The following HS3ST4 variants were observed in gnomAD, a reference collection of about 807,000 sequenced individuals.
HS3ST4 encodes heparan sulfate glucosamine 3-O-sulfotransferase 4.
A neutral mutation model predicts 29.2 loss-of-function variants in HS3ST4; 17 were observed. The observed-to-expected ratio is 0.58, with a 90% CI of 0.40 to 0.87. The LOEUF (loss-of-function observed/expected upper bound fraction) is 0.87, where lower values mean the gene tolerates loss of function less well. HS3ST4 is among the 40% of genes least tolerant of loss of function. The pLI, the probability that HS3ST4 is intolerant of heterozygous loss-of-function variation, is 0.00. For missense variants in HS3ST4, 627 were observed against 634.5 expected (o/e 0.99, Z 0.13); for synonymous variants, 314 against 285.7 (o/e 1.10, Z -1.00).
chr16:26,110,812 T>C (rs1230921583), intron 1 of HS3ST4, among the ~76,000 whole-genome samples: 1 of 152,098 alleles, frequency 6.6e-6, no homozygotes, highest in African/African-American at 2.4e-5. Context: ...TGATCTCTCC[T>C]TCCACTGTCT....
At chr16:25,755,049 T>A (rs1269607668) in intron 1 of HS3ST4, among the ~76,000 whole-genome samples, 1 of 151,792 alleles carries the variant, frequency 6.6e-6, no homozygotes, top group African/African-American at 2.4e-5. Flanking sequence ...TCCACCCACC[T>A]ATCCATCCAC....
intron 1 of HS3ST4, among the ~76,000 whole-genome samples, chr16:25,882,627 G>C (rs1967905531): frequency 6.6e-6 from 1 of 152,058 alleles, no homozygotes; most frequent in South Asian, 2.1e-4. Flanking sequence ...CATCACTGAG[G>C]CTTATTCACC....
chr16:25,896,684 C>T (rs1320207290), intron 1 of HS3ST4, among the ~76,000 whole-genome samples: 1 of 152,120 alleles, frequency 6.6e-6, no homozygotes, highest in African/African-American at 2.4e-5. Context: ...AAAAAAAGCA[C>T]GTGCACCCGT....
chr16:25,916,925 C>T lies in HS3ST4; in HGVS notation c.735-218687C>T, dbSNP rs558183854. Among the ~76,000 whole-genome samples, 12 of 152,058 alleles carry T rather than the reference C, an allele frequency of 7.9e-5. 1 individual carries two copies. Among genetic ancestry groups the T allele is most frequent in the African/African-American group, 1.7e-4 (7 of 41,508 alleles). ...CGATCTCCTGACCTTGTGATCCACC[C>T]GTCTCGGCCTCTCAAAGTGCTGGAA... is the stretch of plus-strand genomic sequence containing the variant. On this transcript the variant is annotated intron_variant, in intron 1 of 1. Coordinates refer to ENST00000331351, the MANE Select transcript of HS3ST4 (RefSeq NM_006040.3).
intron 1 of HS3ST4, among the ~76,000 whole-genome samples, chr16:25,844,496 A>G (rs1414430586): frequency 2.0e-5 from 3 of 152,166 alleles, no homozygotes; most frequent in Non-Finnish European, 4.4e-5. Context: ...AATGATGTTC[A>G]TGAAAAGCAT....
chr16:26,100,561 A>C lies in HS3ST4; in HGVS notation c.735-35051A>C, dbSNP rs575789155. Among the ~76,000 whole-genome samples, 17 of 152,240 alleles carry C rather than the reference A, an allele frequency of 1.1e-4. No individual in the cohort carries two copies. The South Asian group carries it at 3.5e-3, about 32-fold the overall frequency. On this transcript the variant is annotated intron_variant, in intron 1 of 1. Transcript: ENST00000331351. ...CTAGTTTTTGAGGACTGCAGACCTC[A>C]TTGTGGTGTGTTTGAGTCACTCATT...
intron 1 of HS3ST4, among the ~76,000 whole-genome samples, chr16:25,775,054 C>T (rs1240636194): frequency 6.6e-6 from 1 of 152,186 alleles, no homozygotes; most frequent in Non-Finnish European, 1.5e-5. Flanking sequence ...GACTGAGTCG[C>T]TGTCGCACCC....
chr16:26,039,322 T>C (rs73514510), intron 1 of HS3ST4, among the ~76,000 whole-genome samples: 2,498 of 152,320 alleles, frequency 0.016, 65 homozygotes, highest in African/African-American at 0.055. Context: ...CATACATATA[T>C]AGAAATAAAA....
At chr16:25,751,775 T>A (rs1484832571) in intron 1 of HS3ST4, among the ~76,000 whole-genome samples, 1 of 152,176 alleles carries the variant, frequency 6.6e-6, no homozygotes, top group Non-Finnish European at 1.5e-5. Context: ...CTATTTGGCT[T>A]ACACACAGTG....
At chr16:25,817,735 A>T (rs1967108394) in intron 1 of HS3ST4, among the ~76,000 whole-genome samples, 1 of 152,238 alleles carries the variant, frequency 6.6e-6, no homozygotes, top group South Asian at 2.1e-4. Flanking sequence ...TACAGAGGAC[A>T]TATTTTAGGT....
intron 1 of HS3ST4, among the ~76,000 whole-genome samples, chr16:25,702,490 T>C (rs2141581110): frequency 6.6e-6 from 1 of 152,262 alleles, no homozygotes; most frequent in East Asian, 1.9e-4. Flanking sequence ...CAGGAGTAAA[T>C]GGAGAGACAT....
chr16:26,111,743 G>T (rs550328601), intron 1 of HS3ST4, among the ~76,000 whole-genome samples: 1 of 152,024 alleles, frequency 6.6e-6, no homozygotes, highest in Non-Finnish European at 1.5e-5. Flanking sequence ...TTTGGGTCAG[G>T]TGCAGTGGAT....
chr16:25,926,657 G>A (rs1968405876), intron 1 of HS3ST4, among the ~76,000 whole-genome samples: 1 of 152,190 alleles, frequency 6.6e-6, no homozygotes, highest in Non-Finnish European at 1.5e-5. Context: ...AAGAGATAGT[G>A]ATTTATGATT....
chr16:26,043,913 A>C (rs544283704), intron 1 of HS3ST4, among the ~76,000 whole-genome samples: 1 of 152,204 alleles, frequency 6.6e-6, no homozygotes, highest in African/African-American at 2.4e-5. Flanking sequence ...CCAGGCCCTT[A>C]CTAGCATTTA....
intron 1 of HS3ST4, among the ~76,000 whole-genome samples, chr16:25,738,313 G>GAACC (rs1966625903): frequency 6.6e-6 from 1 of 152,176 alleles, no homozygotes; most frequent in African/African-American, 2.4e-5. Context: ...ATGACTATCA[G>GAACC]CGCAGCTCTT....
At chr16:25,910,353 A>T (rs574510588) in intron 1 of HS3ST4, among the ~76,000 whole-genome samples, 5 of 152,304 alleles carry the variant, frequency 3.3e-5, no homozygotes, top group Middle Eastern at 3.4e-3. Context: ...AATAAACATC[A>T]GAGTCAGCCG....
At chr16:25,929,211 G>A (rs763442589) in intron 1 of HS3ST4, among the ~76,000 whole-genome samples, 3 of 151,834 alleles carry the variant, frequency 2.0e-5, no homozygotes, top group South Asian at 4.2e-4. Context: ...GTAAAACCCC[G>A]TCTCTACTAA....
At chr16:25,840,839 C>T (rs1016083039) in intron 1 of HS3ST4, among the ~76,000 whole-genome samples, 19 of 152,102 alleles carry the variant, frequency 1.2e-4, no homozygotes, top group African/African-American at 2.2e-4. Flanking sequence ...AAATATTACA[C>T]ATGAAAGAGC....
intron 1 of HS3ST4, among the ~76,000 whole-genome samples, chr16:25,893,026 G>T (rs1002714785): frequency 5.9e-5 from 9 of 152,216 alleles, no homozygotes; most frequent in African/African-American, 2.2e-4. Context: ...AGTAATCACA[G>T]AAAATCTGTT....
Sources: gnomAD v4.1 joint callset for allele counts (sites outside exome capture counted in the v4.1 genomes callset) on GRCh38, gnomAD v4.1.1 for gene constraint, MANE v1.5 for transcripts, NCBI Gene and HGNC (gene_info 2026-07-23, HGNC 2026-07-21) for gene names.